RIPOR2: variants seen among roughly 807,000 people sequenced by gnomAD.
RIPOR2 encodes rho family-interacting cell polarization regulator 2.
In RIPOR2, 39 loss-of-function variants were observed where a neutral mutation model predicts 114.5. That is an observed-to-expected ratio of 0.34 (90% CI 0.26 to 0.44). The LOEUF (loss-of-function observed/expected upper bound fraction) is 0.44. Among genes scored for constraint, RIPOR2 ranks in the 20% least tolerant of loss-of-function variants. The pLI, the probability that RIPOR2 is intolerant of heterozygous loss-of-function variation, is 1.00. For missense variants in RIPOR2, 1,007 were observed against 1,255.1 expected (o/e 0.80, Z 2.99); for synonymous variants, 445 against 484.4 (o/e 0.92, Z 1.07).
At chr6:24,962,756 TC>T (rs1731643976) in intron 1 of RIPOR2, among the ~76,000 whole-genome samples, 1 of 152,186 alleles carries the variant, frequency 6.6e-6, no homozygotes, top group Non-Finnish European at 1.5e-5. Context: ...ACAAAATTCA[TC>T]CTGGCTTCCT....
At chr6:24,929,961 A>T (rs1379013011) in intron 1 of RIPOR2, among the ~76,000 whole-genome samples, 1 of 152,176 alleles carries the variant, frequency 6.6e-6, no homozygotes, top group Non-Finnish European at 1.5e-5. Context: ...CTGTAGTCCC[A>T]GCTACTTGGA....
intron 1 of RIPOR2, among the ~76,000 whole-genome samples, chr6:24,900,508 C>G (rs1396810535): frequency 6.6e-6 from 1 of 152,050 alleles, no homozygotes; most frequent in East Asian, 1.9e-4. Flanking sequence ...CCTGTAATCC[C>G]AGCACTTTGG....
intron 1 of RIPOR2, among the ~76,000 whole-genome samples, chr6:24,978,655 T>C (rs11965386): frequency 0.063 from 9,656 of 152,234 alleles, 1,023 homozygotes; most frequent in African/African-American, 0.22. Context: ...GTTGGGAATA[T>C]TGCTCTGCGA....
chr6:24,805,258 T>C lies in RIPOR2; in HGVS notation c.*1115A>G, dbSNP rs904446012. On this transcript the variant is annotated 3_prime_UTR_variant, in exon 22 of 22. Transcript: ENST00000643898. ...AATTAAAAAAAAAAAAGCATAAGCTTTGAGTTTTTTGTTTAAGTGTATAGG... is the reference window on the plus strand; with the variant it reads ...AATTAAAAAAAAAAAAGCATAAGCTCTGAGTTTTTTGTTTAAGTGTATAGG... 8.5e-6 allele frequency: 1 copy of C among 118,234 alleles called. No homozygotes were observed. Among genetic ancestry groups the C allele is most frequent in the Non-Finnish European group, 2.1e-5 (1 of 48,196 alleles). 7.3% of individuals were successfully genotyped at this position (118,234 alleles called of 1,614,324 possible).
intron 1 of RIPOR2, among the ~76,000 whole-genome samples, chr6:24,973,349 TC>T (rs1773878422): frequency 6.6e-6 from 1 of 152,134 alleles, no homozygotes; most frequent in Admixed American, 6.6e-5. Context: ...ATGCCTGTAA[TC>T]CCAGCACTTT....
intron 20 of RIPOR2, among the ~76,000 whole-genome samples, chr6:24,810,153 C>T (rs1306514507): frequency 6.6e-6 from 1 of 152,164 alleles, no homozygotes; most frequent in African/African-American, 2.4e-5. Context: ...ATGCTAAAAA[C>T]CACTTTACCT....
intron 1 of RIPOR2, among the ~76,000 whole-genome samples, chr6:25,003,207 C>T (rs192436325): frequency 6.6e-6 from 1 of 152,188 alleles, no homozygotes; most frequent in African/African-American, 2.4e-5. Flanking sequence ...TTTCTCAGAG[C>T]ATGCATTTCT....
In RIPOR2 at chr6:24,935,889, A is replaced by C; in HGVS notation, c.10T>G (p.Phe4Val). The C allele has an allele frequency of 6.5e-7, 1 of 1,535,394 alleles. No homozygotes were observed. Among genetic ancestry groups the C allele is most frequent in the Non-Finnish European group, 8.7e-7 (1 of 1,146,678 alleles). The change falls in exon 1 of 22, where the codon TTT becomes GTT. Residue 4 changes from phenylalanine (F) to valine (V), a missense_variant. Physicochemically the swap from Phe to Val is conservative, Grantham distance 50 (BLOSUM62 -1). Transcript: ENST00000643898. The part of the protein sequence containing the change: MQF[F>V]DAEELLVDEE... ...TCGACCAGGAGCTCCTCAGCATCAA[A>C]AAACTGCATCTTGGAGAGGACAGGC... is the stretch of plus-strand genomic sequence containing the variant.
intron 14 of RIPOR2, among the ~76,000 whole-genome samples, chr6:24,837,038 A>G (rs1033825480): frequency 1.3e-5 from 2 of 152,252 alleles, no homozygotes; most frequent in African/African-American, 4.8e-5. Context: ...TAACAGCTTA[A>G]GGTAACAAGT....
chr6:25,005,395 G>C (rs1536767), intron 1 of RIPOR2, among the ~76,000 whole-genome samples: 86,437 of 151,864 alleles, frequency 0.57, 25,108 homozygotes, highest in African/African-American at 0.61. Flanking sequence ...GTCATAGAGC[G>C]ACCTGCACAG....
chr6:24,989,873 T>C (rs1774715993), intron 1 of RIPOR2, among the ~76,000 whole-genome samples: 1 of 151,496 alleles, frequency 6.6e-6, no homozygotes, highest in African/African-American at 2.4e-5. Flanking sequence ...CTACTAAAAA[T>C]ACAAAAATTA....
chr6:24,968,287 C>T (rs919690039), intron 1 of RIPOR2, among the ~76,000 whole-genome samples: 1 of 152,184 alleles, frequency 6.6e-6, no homozygotes. Context: ...AGGGCCTTGA[C>T]TGCCTTTCCT....
At chr6:24,899,982 G>C (rs1420085861) in intron 1 of RIPOR2, among the ~76,000 whole-genome samples, 2 of 152,122 alleles carry the variant, frequency 1.3e-5, no homozygotes, top group Non-Finnish European at 2.9e-5. Context: ...TTCAGATGGA[G>C]GATGTGAAAA....
chr6:24,891,406 T>C (rs931978970), intron 1 of RIPOR2, among the ~76,000 whole-genome samples: 2 of 152,166 alleles, frequency 1.3e-5, no homozygotes, highest in African/African-American at 4.8e-5. Flanking sequence ...ATATCTAGAT[T>C]ATTAACAAAA....
At chr6:25,027,972 C>A (rs9356958) in intron 1 of RIPOR2, among the ~76,000 whole-genome samples, 26,110 of 152,068 alleles carry the variant, frequency 0.17, 2,907 homozygotes, top group East Asian at 0.56. Flanking sequence ...AGTGAGCTGG[C>A]TGCCTATGAC....
At chr6:24,809,644 A>T (rs1781006520) in intron 21 of RIPOR2, 73 bp downstream of exon 21, 1 of 1,005,498 alleles carries the variant, frequency 9.9e-7, no homozygotes, top group Non-Finnish European at 1.5e-6. Context: ...GGAGAAGGGA[A>T]CATCTAAATG....
intron 15 of RIPOR2, among the ~76,000 whole-genome samples, 192 bp downstream of exon 15, chr6:24,835,511 T>C (rs1761039321): frequency 6.6e-6 from 1 of 152,132 alleles, no homozygotes; most frequent in African/African-American, 2.4e-5. Context: ...AGAGTTAGGT[T>C]CGAAGATGAA....
intron 21 of RIPOR2, among the ~76,000 whole-genome samples, chr6:24,809,320 A>T (rs983687498): frequency 6.6e-6 from 1 of 152,200 alleles, no homozygotes; most frequent in Non-Finnish European, 1.5e-5. Context: ...GATTTACAGC[A>T]TTCCCTGGGA....
intron 1 of RIPOR2, among the ~76,000 whole-genome samples, chr6:24,918,266 G>A (rs948153537): frequency 2.6e-5 from 4 of 152,142 alleles, no homozygotes; most frequent in African/African-American, 9.7e-5. Flanking sequence ...ACATGAGGGA[G>A]CCGTCAGCTT....
Sources: gnomAD v4.1 joint callset for allele counts (sites outside exome capture counted in the v4.1 genomes callset) on GRCh38, gnomAD v4.1.1 for gene constraint, MANE v1.5 for transcripts, NCBI Gene and HGNC (gene_info 2026-07-23, HGNC 2026-07-21) for gene names.